The following SHOC1 variants were observed in gnomAD, a reference collection of about 807,000 sequenced individuals.
The protein encoded by SHOC1 is protein shortage in chiasmata 1 ortholog.
SHOC1 carries 136 observed loss-of-function variants against 179.2 expected under a neutral mutation model. That is an observed-to-expected ratio of 0.76 (90% CI 0.66 to 0.87). SHOC1 has a LOEUF of 0.87. SHOC1 is among the 40% of genes least tolerant of loss of function. SHOC1 has a pLI of 0.00. For missense variants in SHOC1, 1,538 were observed against 1,700.8 expected (o/e 0.90, Z 1.68); for synonymous variants, 489 against 586.6 (o/e 0.83, Z 2.41).
At position 111,706,587 on chromosome 9, in the gene SHOC1, A is replaced by G. The variant is rs1240937292; in HGVS notation, c.2718T>C (p.Leu906=). The change falls in exon 20 of 28, where the codon CTT becomes CTC. Residue 906 remains leucine, a synonymous_variant. Coordinates refer to ENST00000682961, the MANE Select transcript of SHOC1 (RefSeq NM_001378211.1). The stretch of plus-strand genomic sequence containing the variant: ...TCTTACTTTCTAAAACTGTGTCTGG[A>G]AGAATCACTTTAAAGGCCATGTAAG... The part of the protein sequence containing the change: ...NIPYMAFKVI[L]PDTVLERSTL... The G allele has an allele frequency of 3.2e-6, 5 of 1,565,760 alleles. No homozygotes were observed. Among genetic ancestry groups the G allele is most frequent in the African/African-American group, 1.4e-5 (1 of 72,564 alleles).
At chr9:111,785,444 T>C (rs1050216282) in intron 3 of SHOC1, among the ~76,000 whole-genome samples, 1 of 152,194 alleles carries the variant, frequency 6.6e-6, no homozygotes, top group Non-Finnish European at 1.5e-5. Flanking sequence ...TAACAGTGCT[T>C]GGTACATAAT....
intron 5 of SHOC1, among the ~76,000 whole-genome samples, chr9:111,762,529 G>A (rs1835181875): frequency 6.6e-6 from 1 of 151,988 alleles, no homozygotes; most frequent in Admixed American, 6.6e-5. Context: ...ATAATATCAT[G>A]TATATATAGT....
intron 16 of SHOC1, among the ~76,000 whole-genome samples, chr9:111,717,775 A>C (rs1325920692): frequency 6.6e-6 from 1 of 152,162 alleles, no homozygotes; most frequent in African/African-American, 2.4e-5. Flanking sequence ...AGACATGACT[A>C]AAAAAGAAAT....
chr9:111,781,750 A>AAATAAATTAATTAATTAATTAATTAATT (rs765900257), intron 3 of SHOC1, among the ~76,000 whole-genome samples: 57 of 151,004 alleles, frequency 3.8e-4, no homozygotes, highest in South Asian at 1.3e-3. Context: ...ATAAATAAAT[A>AAATAAATTAATTAATTAATTAATTAATT]AATTTGTATG....
At chr9:111,717,594 CAAA>C (rs35014939) in intron 16 of SHOC1, among the ~76,000 whole-genome samples, 5 of 67,848 alleles carry the variant, frequency 7.4e-5, no homozygotes, top group Admixed American at 1.7e-4. Context: ...AACTCTGTCT[CAAA>C]AAAAAAAAAA....
chr9:111,765,395 C>T (rs1378509163), intron 5 of SHOC1, among the ~76,000 whole-genome samples: 2 of 151,982 alleles, frequency 1.3e-5, no homozygotes, highest in Non-Finnish European at 2.9e-5. Flanking sequence ...CCCAGGAGCT[C>T]GTGACCAGCC....
At chr9:111,764,938 C>A (rs982568642) in intron 5 of SHOC1, among the ~76,000 whole-genome samples, 1 of 151,660 alleles carries the variant, frequency 6.6e-6, no homozygotes, top group Non-Finnish European at 1.5e-5. Flanking sequence ...GTCAGGAGTT[C>A]GAGACCAGCC....
At chr9:111,759,055 C>G (rs1348757058) in intron 5 of SHOC1, 1 of 1,276,472 alleles carries the variant, frequency 7.8e-7, no homozygotes, top group East Asian at 2.3e-5. Context: ...TTAGTATTAT[C>G]TAGGACACCG....
intron 4 of SHOC1, among the ~76,000 whole-genome samples, chr9:111,780,091 G>T (rs1409360356): frequency 2.0e-5 from 3 of 152,012 alleles, no homozygotes; most frequent in African/African-American, 4.8e-5. Flanking sequence ...TTCTTGCATT[G>T]TTAATTTTTT....
chr9:111,785,325 T>G (rs1408715536), intron 3 of SHOC1, among the ~76,000 whole-genome samples: 4 of 151,434 alleles, frequency 2.6e-5, no homozygotes, highest in African/African-American at 9.7e-5. Flanking sequence ...TATCAGATAC[T>G]AGTTTATATA....
chr9:111,740,886 G>A (rs1248154144), intron 11 of SHOC1, among the ~76,000 whole-genome samples: 1 of 151,760 alleles, frequency 6.6e-6, no homozygotes, highest in Non-Finnish European at 1.5e-5. Context: ...TTTTTGTTTT[G>A]TTTGTTTGTT....
chr9:111,705,770 A>G (rs1832245512), intron 20 of SHOC1, among the ~76,000 whole-genome samples: 2 of 152,114 alleles, frequency 1.3e-5, no homozygotes, highest in South Asian at 4.1e-4. Flanking sequence ...ATACTGATTT[A>G]CATAAAGATT....
intron 13 of SHOC1, among the ~76,000 whole-genome samples, chr9:111,726,062 T>C (rs1833280810): frequency 6.6e-6 from 1 of 152,150 alleles, no homozygotes; most frequent in South Asian, 2.1e-4. Context: ...ATTCTTATTT[T>C]TGTATCACAT....
intron 10 of SHOC1, among the ~76,000 whole-genome samples, chr9:111,742,271 C>T (rs1256991991): frequency 2.6e-5 from 4 of 152,144 alleles, no homozygotes; most frequent in Non-Finnish European, 5.9e-5. Flanking sequence ...ACCATGCTTA[C>T]CATGCACATA....
Position 111,706,687 on chromosome 9 carries a change from T to C in SHOC1, c.2618A>G (p.Asn873Ser), listed in dbSNP as rs1832292067. The C allele has an allele frequency of 1.2e-6, 2 of 1,609,184 alleles. No individual in the cohort carries two copies. Among genetic ancestry groups the C allele is most frequent in the South Asian group, 2.2e-5 (2 of 90,482 alleles). The change falls in exon 20 of 28, where the codon AAT (asparagine) becomes AGT (serine). Residue 873 changes from asparagine to serine, a missense_variant. Coordinates refer to ENST00000682961, the MANE Select transcript of SHOC1 (RefSeq NM_001378211.1). ...ATTGTATTCCACCACAAATGAGAAATTACTCCAGGGGAAATCTGCTCCAAT... is the reference window on the plus strand; with the variant it reads ...ATTGTATTCCACCACAAATGAGAAACTACTCCAGGGGAAATCTGCTCCAAT... The part of the protein sequence containing the change: ...QYIGADFPWS[N>S]FSFVVEYNYV...
At chr9:111,700,905 A>G (rs1248298302) in intron 23 of SHOC1, among the ~76,000 whole-genome samples, 1 of 152,176 alleles carries the variant, frequency 6.6e-6, no homozygotes. Context: ...TCTGGTAGAG[A>G]AAATTTTACA....
chr9:111,735,727 G>A (rs1319558095), intron 12 of SHOC1, among the ~76,000 whole-genome samples: 3 of 152,112 alleles, frequency 2.0e-5, no homozygotes, highest in Non-Finnish European at 2.9e-5. Context: ...GGGTCAAATG[G>A]TATTTCTGGT....
Position 111,714,509 on chromosome 9 carries a change from T to C in SHOC1, c.2351A>G (p.Asn784Ser), listed in dbSNP as rs373886583. ...QFIRGKKPET[N>S]YKIQELQCQI... ...ACATTGCAATTCTTGTATCTTGTAG[T>C]TGGTTTCAGGCTTTTTCCCCCTAAT... The change falls in exon 17 of 28, where the codon AAC (asparagine) becomes AGC (serine). Residue 784 changes from asparagine to serine, a missense_variant. Asn to Ser is a conservative substitution (Grantham distance 46). Transcript: ENST00000682961. The C allele has an allele frequency of 2.5e-6, 4 of 1,613,902 alleles. No homozygotes were observed. Among genetic ancestry groups the C allele is most frequent in the Non-Finnish European group, 3.4e-6 (4 of 1,179,956 alleles).
Position 111,686,744 on chromosome 9 carries a change from G to C in SHOC1, c.*26C>G, listed in dbSNP as rs369999697. ...TTAGCATCAAAAACAGTGGAATATGGCATGTAACATTGCTCTTCTCCTCCT... is the reference window on the plus strand; with the variant it reads ...TTAGCATCAAAAACAGTGGAATATGCCATGTAACATTGCTCTTCTCCTCCT... On this transcript the variant is annotated 3_prime_UTR_variant, in exon 28 of 28. Coordinates refer to ENST00000682961, the MANE Select transcript of SHOC1 (RefSeq NM_001378211.1). 9 of 1,402,444 alleles carry C rather than the reference G, an allele frequency of 6.4e-6. No individual in the cohort carries two copies. The highest frequency in any genetic ancestry group is 9.1e-6 in the Non-Finnish European group (9 of 988,882). 86.9% of individuals were successfully genotyped at this position (1,402,444 alleles called of 1,614,324 possible).
Sources: gnomAD v4.1 joint callset for allele counts (sites outside exome capture counted in the v4.1 genomes callset) on GRCh38, gnomAD v4.1.1 for gene constraint, MANE v1.5 for transcripts, NCBI Gene and HGNC (gene_info 2026-07-23, HGNC 2026-07-21) for gene names.